NEIL1: variants seen among roughly 807,000 people sequenced by gnomAD.
NEIL1 encodes endonuclease 8-like 1.
Under a neutral mutation model 44.2 loss-of-function variants are expected in NEIL1, and 31 were observed. That is an observed-to-expected ratio of 0.70 (90% CI 0.53 to 0.95). The LOEUF is 0.95. NEIL1 is among the 40% of genes least tolerant of loss of function. The pLI is 0.00. For synonymous variants in NEIL1, 254 were observed against 209.7 expected (o/e 1.21, Z -1.83); for missense variants, 549 against 515.5 (o/e 1.07, Z -0.63).
At chr15:75,353,399 T>TC (rs796273133) in intron 5 of NEIL1, 5 of 333,394 alleles carry the variant, frequency 1.5e-5, no homozygotes, top group South Asian at 1.2e-4. Context: ...TTGTTAAAAA[T>TC]TTTTTTTGTA....
In NEIL1 at chr15:75,349,030, G is replaced by A. The variant is rs758635642; in HGVS notation, c.125G>A (p.Ser42Asn). 4.3e-6 allele frequency: 7 copies of A among 1,613,724 alleles called. No homozygotes were observed. The South Asian group carries it at 7.7e-5, about 18-fold the overall frequency. Reference sequence around the variant, plus strand: ...CGCAACCCTGAGGTGCCCTTTGAGAGCAGTGCCTACCGCATCTCAGCTTCA... The same window carrying A: ...CGCAACCCTGAGGTGCCCTTTGAGAACAGTGCCTACCGCATCTCAGCTTCA... ...VSRNPEVPFE[S>N]SAYRISASAR... Residue 42 changes from serine (S) to asparagine (N), a missense_variant, in exon 2 of 10, where the codon AGC (serine) becomes AAC (asparagine). Ser to Asn is a conservative substitution (Grantham distance 46). Coordinates refer to ENST00000355059, the MANE Select transcript of NEIL1 (RefSeq NM_024608.4).
Position 75,349,229 on chromosome 15 carries a change from C to G in NEIL1, c.324C>G (p.Pro108=), listed in dbSNP as rs1266152220. 1 of 1,610,092 alleles carries G rather than the reference C, an allele frequency of 6.2e-7. No homozygotes were observed. The highest frequency in any genetic ancestry group is 1.3e-5 in the African/African-American group (1 of 74,940). ...GCTTTTACACGGCCCCGCCTGGCCC[C>G]CGGCTCGCCCTATGTTTCGTGGACA... ...HLRFYTAPPG[P]RLALCFVDIR... is the part of the protein sequence containing the mutation. Residue 108 remains proline (P), a synonymous_variant, in exon 2 of 10, where the codon CCC becomes CCG. Coordinates refer to ENST00000355059, the MANE Select transcript of NEIL1 (RefSeq NM_024608.4).
At position 75,352,375 on chromosome 15, in the gene NEIL1, G is replaced by A. The variant is rs771346156; in HGVS notation, c.606G>A (p.Gln202=). Residue 202 remains glutamine, a synonymous_variant, in exon 4 of 10, where the codon CAG becomes CAA. Transcript: ENST00000355059. The part of the protein sequence containing the change: ...EKARSVLEAL[Q]QHRPSPELTL... ...CCCGCTCGGTCCTGGAGGCCCTGCA[G>A]CAGCACAGGCCGGTAAGCCCAGAGA... The A allele has an allele frequency of 1.2e-6, 2 of 1,613,902 alleles. No individual in the cohort carries two copies. Among genetic ancestry groups the A allele is most frequent in the South Asian group, 2.2e-5 (2 of 91,078 alleles).
chr15:75,354,866 G>A lies in NEIL1; in HGVS notation c.1102+48G>A, dbSNP rs753260159. On this transcript the variant is annotated intron_variant, in intron 9 of 9. Transcript: ENST00000355059. ...AGAAACTGGCTCTACAGGAGAGGAT[G>A]GGATGGTGGCCTAGGAGCGCGTGTA... 2.5e-6 allele frequency: 4 copies of A among 1,613,130 alleles called. No homozygotes were observed. In the African/African-American group the frequency reaches 5.3e-5, roughly 22 times the overall value.
chr15:75,348,580 T>G, intron 1 of NEIL1: 1 of 1,250,162 alleles, frequency 8.0e-7, no homozygotes, highest in Non-Finnish European at 1.0e-6. Flanking sequence ...GAAGTAAGGC[T>G]GCAGCCGCGG....
intron 5 of NEIL1, 149 bp downstream of exon 5, chr15:75,352,850 T>C (rs905394559): frequency 2.1e-5 from 14 of 676,898 alleles, no homozygotes; most frequent in Non-Finnish European, 3.6e-5. Flanking sequence ...TTGTCAATAG[T>C]GTTTCCAGGC....
chr15:75,356,888 G>A lies in NEIL1; in HGVS notation c.*1854G>A. On this transcript the variant is annotated 3_prime_UTR_variant, in exon 10 of 10. Coordinates refer to ENST00000355059, the MANE Select transcript of NEIL1 (RefSeq NM_024608.4). The surrounding 1 kb of genome is among the most constrained non-coding windows in gnomAD (Gnocchi z 5.8). ...AGCCGTGTTCTGACAGATCCATCCA[G>A]CGATGGGCCCACACCTGGAGGGCAG... The A allele has an allele frequency of 6.2e-7, 1 of 1,614,016 alleles. No individual in the cohort carries two copies. Among genetic ancestry groups the A allele is most frequent in the Non-Finnish European group, 8.5e-7 (1 of 1,179,982 alleles).
At chr15:75,349,452 C>T (rs2071711666) in intron 2 of NEIL1, 113 bp downstream of exon 2, 1 of 1,031,668 alleles carries the variant, frequency 9.7e-7, no homozygotes, top group Non-Finnish European at 1.4e-6. Context: ...CCTCAGTTCT[C>T]TCATCTGCAG....
intron 2 of NEIL1, among the ~76,000 whole-genome samples, chr15:75,349,843 GGAGGAGA>G (rs2071744332): frequency 6.6e-6 from 1 of 152,142 alleles, no homozygotes; most frequent in Non-Finnish European, 1.5e-5. Context: ...AACTGATGGG[GGAGGAGA>G]GAGGAGAGCC....
intron 1 of NEIL1, chr15:75,347,841 G>T (rs1045436618): frequency 8.5e-7 from 1 of 1,175,576 alleles, no homozygotes; most frequent in Admixed American, 3.1e-5. Flanking sequence ...CTAGGATTTG[G>T]AGCCTCACGT....
At chr15:75,348,695 C>T in intron 1 of NEIL1, 189 bp from the exon 2 acceptor site, 1 of 1,428,780 alleles carries the variant, frequency 7.0e-7, no homozygotes, top group Non-Finnish European at 9.1e-7. Context: ...CAGCTCCCAG[C>T]GCCCTGGGCT....
Position 75,352,249 on chromosome 15 carries a change from G to A in NEIL1, c.554+19G>A. Reference sequence around the variant, plus strand: ...TGTACCGGTCAGCAAGCAGGCATGGGCATGGGGACTGCGGTGGGCCAGGTG... The same window carrying A: ...TGTACCGGTCAGCAAGCAGGCATGGACATGGGGACTGCGGTGGGCCAGGTG... On this transcript the variant is annotated intron_variant, in intron 3 of 9. Coordinates refer to ENST00000355059, the MANE Select transcript of NEIL1 (RefSeq NM_024608.4). 6.2e-6 allele frequency: 10 copies of A among 1,614,248 alleles called. No homozygotes were observed. Among genetic ancestry groups the A allele is most frequent in the Non-Finnish European group, 8.5e-6 (10 of 1,180,036 alleles).
rs1418655062 is a variant in NEIL1 at position 75,356,880 on chromosome 15, TC to T, written c.*1848del. On this transcript the variant is annotated 3_prime_UTR_variant, in exon 10 of 10. Transcript: ENST00000355059. This position sits in a 1 kb window ranked among gnomAD's most constrained non-coding sequence, Gnocchi z 5.8. ...CAGCCCAAAGCCGTGTTCTGACAGA[TC>T]CATCCAGCGATGGGCCCACACCTGG... The T allele has an allele frequency of 4.3e-6, 7 of 1,613,672 alleles. No individual in the cohort carries two copies. Among genetic ancestry groups the T allele is most frequent in the Middle Eastern group, 1.6e-4 (1 of 6,084 alleles).
At position 75,356,545 on chromosome 15, in the gene NEIL1, T is replaced by G. The variant is rs902161885; in HGVS notation, c.*1511T>G. ...GAAGCCAGGTTGCTGGGGTTTGGGC[T>G]CAGGGAAGGGCAGAGAGGTGTCTAG... On this transcript the variant is annotated 3_prime_UTR_variant, in exon 10 of 10. Transcript: ENST00000355059. This position sits in a 1 kb window ranked among gnomAD's most constrained non-coding sequence, Gnocchi z 5.8. The G allele has an allele frequency of 6.5e-7, 1 of 1,549,102 alleles. No homozygotes were observed. The highest frequency in any genetic ancestry group is 1.4e-5 in the African/African-American group (1 of 73,402).
At chr15:75,353,511 C>A (rs1435366137) in intron 5 of NEIL1, 1 of 644,206 alleles carries the variant, frequency 1.6e-6, no homozygotes, top group South Asian at 1.5e-5. Flanking sequence ...CAGGTGTGGC[C>A]ACTGCACAGG....
chr15:75,355,738 T>TACC lies in NEIL1; in HGVS notation c.*704_*705insACC. 1 of 634,994 alleles carries TACC rather than the reference T, an allele frequency of 1.6e-6. No individual in the cohort carries two copies. Among genetic ancestry groups the TACC allele is most frequent in the East Asian group, 3.8e-5 (1 of 26,316 alleles). The allele number at this position is 634,994 out of a possible 1,614,324, so 39.3% of individuals were successfully genotyped here. A position where few individuals can be genotyped will look rare whatever the true frequency, so the allele number is the denominator to read the frequency against. On this transcript the variant is annotated 3_prime_UTR_variant, in exon 10 of 10. Coordinates refer to ENST00000355059, the MANE Select transcript of NEIL1 (RefSeq NM_024608.4). Reference sequence around the variant, plus strand: ...CTGGGAAGCCATCCCACCCCAGACTTCCCACCCCCACCCCAAGCGTGAGGA... The same window carrying TACC: ...CTGGGAAGCCATCCCACCCCAGACTTACCCCCACCCCCACCCCAAGCGTGAGGA...
chr15:75,355,977 G>T lies in NEIL1; in HGVS notation c.*943G>T. The T allele has an allele frequency of 1.2e-6, 2 of 1,614,106 alleles. No individual in the cohort carries two copies. The highest frequency in any genetic ancestry group is 1.7e-6 in the Non-Finnish European group (2 of 1,179,974). ...AAGGGAGAAAAGGTGAGCTTCAGGC[G>T]GTTGTCCCGAAGGGTCAAGTGGCCA... On this transcript the variant is annotated 3_prime_UTR_variant, in exon 10 of 10. Transcript: ENST00000355059.
At position 75,348,856 on chromosome 15, in the gene NEIL1, C is replaced by G. The variant is rs772012256; in HGVS notation, c.-22-28C>G. Reference sequence around the variant, plus strand: ...GCTACCTCACAAAGTCCACACCGGGCTCAACCCGCTGCCTTCCTCCCCAAC... The same window carrying G: ...GCTACCTCACAAAGTCCACACCGGGGTCAACCCGCTGCCTTCCTCCCCAAC... On this transcript the variant is annotated intron_variant, in intron 1 of 9. Transcript: ENST00000355059. 3.6e-4 allele frequency: 575 copies of G among 1,590,580 alleles called. 1 individual carries two copies. Among genetic ancestry groups the G allele is most frequent in the Non-Finnish European group, 4.8e-4 (557 of 1,170,604 alleles).
Position 75,348,995 on chromosome 15 carries a change from C to T in NEIL1, c.90C>T (p.Ser30=). Residue 30 remains serine, a synonymous_variant, in exon 2 of 10, where the codon TCC becomes TCT. Coordinates refer to ENST00000355059, the MANE Select transcript of NEIL1 (RefSeq NM_024608.4). ...ALVFGGCVEK[S]SVSRNPEVPF... The stretch of plus-strand genomic sequence containing the variant: ...TGTTCGGCGGCTGCGTGGAGAAGTC[C>T]TCTGTCAGCCGCAACCCTGAGGTGC... The T allele has an allele frequency of 2.5e-6, 4 of 1,613,750 alleles. No individual in the cohort carries two copies. In the East Asian group the frequency reaches 8.9e-5, roughly 36 times the overall value.
Sources: allele counts gnomAD v4.1 joint callset (sites outside exome capture counted in the v4.1 genomes callset), GRCh38; gene constraint gnomAD v4.1.1; non-coding constraint Gnocchi (gnomAD v3.1); transcripts MANE v1.5; gene names NCBI Gene and HGNC (gene_info 2026-07-23, HGNC 2026-07-21).